The following CCDC171 variants were observed in gnomAD, a reference collection of about 807,000 sequenced individuals.
CCDC171 encodes coiled-coil domain containing 171, also known as coiled-coil domain-containing protein 171.
Under a neutral mutation model 168.2 loss-of-function variants are expected in CCDC171, and 177 were observed. That is an observed-to-expected ratio of 1.05 (90% CI 0.93 to 1.19). The LOEUF is 1.19. Ranked by LOEUF, CCDC171 falls within the 50% of genes most tolerant of loss-of-function variation. The pLI is 0.00. For synonymous variants in CCDC171, 687 were observed against 540.8 expected (o/e 1.27, Z -3.75); for missense variants, 1,991 against 1,539.0 (o/e 1.29, Z -4.91).
intron 20 of CCDC171, among the ~76,000 whole-genome samples, chr9:15,780,808 T>C (rs2057627619): frequency 6.6e-6 from 1 of 152,198 alleles, no homozygotes; most frequent in African/African-American, 2.4e-5. Flanking sequence ...TGAATACTAG[T>C]GTGTCATATG....
At chr9:15,713,378 T>A (rs1431420664) in intron 11 of CCDC171, among the ~76,000 whole-genome samples, 1 of 151,808 alleles carries the variant, frequency 6.6e-6, no homozygotes, top group Non-Finnish European at 1.5e-5. Context: ...AAGGTGTGGG[T>A]TAAGAGAGAG....
intron 14 of CCDC171, among the ~76,000 whole-genome samples, chr9:15,725,661 G>T (rs1036708671): frequency 6.6e-6 from 1 of 152,036 alleles, no homozygotes; most frequent in Non-Finnish European, 1.5e-5. Context: ...TGTTAGCCAG[G>T]CTGGTCTCGA....
intron 6 of CCDC171, among the ~76,000 whole-genome samples, chr9:15,609,927 A>G (rs2043525477): frequency 6.6e-6 from 1 of 152,134 alleles, no homozygotes; most frequent in South Asian, 2.1e-4. Flanking sequence ...ATTTTGACAT[A>G]AAGTTGACAT....
At chr9:15,572,862 T>TA (rs2040344372) in intron 3 of CCDC171, among the ~76,000 whole-genome samples, 1 of 152,130 alleles carries the variant, frequency 6.6e-6, no homozygotes, top group South Asian at 2.1e-4. Context: ...GTGTATTGAA[T>TA]AAATGTATGA....
intron 3 of CCDC171, among the ~76,000 whole-genome samples, chr9:15,990,132 T>A (rs1832138160): frequency 1.3e-5 from 2 of 152,152 alleles, no homozygotes; most frequent in African/African-American, 4.8e-5. Context: ...ATTGTCAGAT[T>A]CACCAAAGTT....
chr9:16,016,081 T>C (rs1299030706), intron 3 of CCDC171, among the ~76,000 whole-genome samples: 1 of 152,226 alleles, frequency 6.6e-6, no homozygotes, highest in Non-Finnish European at 1.5e-5. Context: ...TAAACATGAA[T>C]GTACACATCT....
the CCDC171 span, among the ~76,000 whole-genome samples, chr9:16,097,464 G>T: frequency 6.6e-6 from 1 of 152,172 alleles, no homozygotes; most frequent in Admixed American, 6.5e-5. Context: ...AAATAGAATG[G>T]CATTATTCTC....
chr9:15,560,176 C>G (rs2039168497), intron 1 of CCDC171, among the ~76,000 whole-genome samples: 1 of 152,046 alleles, frequency 6.6e-6, no homozygotes, highest in South Asian at 2.1e-4. Flanking sequence ...TCCTTCATTT[C>G]AACTTTGGTG....
intron 21 of CCDC171, among the ~76,000 whole-genome samples, chr9:15,826,463 T>C (rs995240636): frequency 6.6e-6 from 1 of 152,170 alleles, no homozygotes; most frequent in Admixed American, 6.5e-5. Flanking sequence ...CTTTTTGAAA[T>C]TGAATGGGCC....
Position 16,060,307 on chromosome 9 carries a change from A to G in CCDC171, n.90-339A>G, listed in dbSNP as rs549676370. ...GAGCCATTTCTGAGTGGAGGTGAGG[A>G]AAAACGGAGCGATGACCGTGAGGGT... On this transcript the variant is annotated intron_variant and non_coding_transcript_variant, in intron 1 of 1. Transcript: ENST00000478913. Among the ~76,000 whole-genome samples the G allele has an allele frequency of 2.4e-3, 358 of 152,302 alleles. 2 individuals carry two copies. Among genetic ancestry groups the G allele is most frequent in the African/African-American group, 8.1e-3 (338 of 41,572 alleles).
At chr9:16,098,219 T>A in the CCDC171 span, among the ~76,000 whole-genome samples, 1 of 152,178 alleles carries the variant, frequency 6.6e-6, no homozygotes, top group Non-Finnish European at 1.5e-5. Context: ...AAAATGGGGC[T>A]AATATTATTA....
chr9:16,000,502 T>C lies in CCDC171; in HGVS notation n.369-20087T>C, dbSNP rs1474734998. On this transcript the variant is annotated intron_variant and non_coding_transcript_variant, in intron 3 of 9. Coordinates refer to the CCDC171 transcript ENST00000486641. ...TAACACTTTCCATTTTCTAATATGT[T>C]GAAGTGAGGTCATCAGCAGACTGAG... Among the ~76,000 whole-genome samples the C allele has an allele frequency of 2.0e-5, 3 of 152,260 alleles. No homozygotes were observed. The East Asian group carries it at 5.8e-4, about 29-fold the overall frequency.
chr9:16,102,721 T>A, the CCDC171 span, among the ~76,000 whole-genome samples: 8 of 152,170 alleles, frequency 5.3e-5, 1 homozygote, highest in African/African-American at 1.9e-4. Context: ...AAATTCACTT[T>A]CCAACAGCTC....
At chr9:15,998,260 G>A (rs1439182585) in intron 3 of CCDC171, among the ~76,000 whole-genome samples, 6 of 152,170 alleles carry the variant, frequency 3.9e-5, no homozygotes, top group Non-Finnish European at 7.3e-5. Context: ...CTGGAGTACG[G>A]TGCCTCATCT....
In CCDC171 at chr9:15,828,517, G is replaced by T. The variant is rs374587570; in HGVS notation, c.3268-18185G>T. On this transcript the variant is annotated intron_variant, in intron 21 of 25. Transcript: ENST00000380701. ...TGTAGGACGTCCTTAGAAGAAGATA[G>T]CTTTCAAAAGAAAGATTTACTTAGC... is the stretch of plus-strand genomic sequence containing the variant. Among the ~76,000 whole-genome samples the T allele has an allele frequency of 2.5e-4, 38 of 152,250 alleles. No individual in the cohort carries two copies. In the East Asian group the frequency reaches 5.2e-3, roughly 21 times the overall value.
intron 25 of CCDC171, among the ~76,000 whole-genome samples, chr9:15,966,689 G>A (rs1199489937): frequency 6.6e-6 from 1 of 152,040 alleles, no homozygotes; most frequent in Non-Finnish European, 1.5e-5. Context: ...CAACTTCTTT[G>A]CATTTTTGCC....
intron 23 of CCDC171, among the ~76,000 whole-genome samples, chr9:15,859,881 C>G (rs181803459): frequency 1.3e-5 from 2 of 151,926 alleles, no homozygotes. Flanking sequence ...GTTGCCCAGG[C>G]TGTCTTGAAC....
intron 24 of CCDC171, among the ~76,000 whole-genome samples, chr9:15,914,615 C>G (rs765599906): frequency 2.6e-5 from 4 of 152,118 alleles, no homozygotes; most frequent in Non-Finnish European, 5.9e-5. Flanking sequence ...AGCAAGACCA[C>G]TTGGCTCCCT....
intron 3 of CCDC171, among the ~76,000 whole-genome samples, chr9:16,017,248 T>C (rs1196604702): frequency 6.6e-6 from 1 of 152,222 alleles, no homozygotes; most frequent in Non-Finnish European, 1.5e-5. Context: ...TATTGGTATA[T>C]TGACATTATT....
Sources: gnomAD v4.1 joint callset for allele counts (sites outside exome capture counted in the v4.1 genomes callset) on GRCh38, gnomAD v4.1.1 for gene constraint, MANE v1.5 for transcripts, NCBI Gene and HGNC (gene_info 2026-07-23, HGNC 2026-07-21) for gene names.